Variants in AXDND1 observed in about 807,000 individuals in gnomAD.
The protein encoded by AXDND1 is axonemal dynein light chain domain containing 1.
A neutral mutation model predicts 137.5 loss-of-function variants in AXDND1; 110 were observed. That is an observed-to-expected ratio of 0.80 (90% CI 0.69 to 0.94). The LOEUF (loss-of-function observed/expected upper bound fraction) is 0.94. AXDND1 is among the 40% of genes least tolerant of loss of function. AXDND1 has a pLI of 0.00. For synonymous variants in AXDND1, 414 were observed against 399.7 expected, an observed-to-expected ratio of 1.04 and a Z score of -0.43; for missense variants, 1,191 against 1,169.8, an observed-to-expected ratio of 1.02 and a Z score of -0.26.
Position 179,492,782 on chromosome 1 carries a change from A to T in AXDND1, c.2292-73A>T, listed in dbSNP as rs1038137751. The T allele has an allele frequency of 4.1e-6, 4 of 979,812 alleles. No homozygotes were observed. The African/African-American group carries it at 6.7e-5, about 16-fold the overall frequency. 60.7% of individuals were successfully genotyped at this position (979,812 alleles called of 1,614,324 possible). ...TAAAATTTTAAACACTTAGAAGAAGAACCAGCAATAAATAGGTTATGCTGA... is the reference window on the plus strand; with the variant it reads ...TAAAATTTTAAACACTTAGAAGAAGTACCAGCAATAAATAGGTTATGCTGA... On this transcript the variant is annotated intron_variant, in intron 19 of 25. Transcript: ENST00000367618.
intron 12 of AXDND1, among the ~76,000 whole-genome samples, chr1:179,427,598 A>G (rs1036409470): frequency 6.6e-6 from 1 of 152,184 alleles, no homozygotes; most frequent in Non-Finnish European, 1.5e-5. Flanking sequence ...AAATGTATAG[A>G]TTAATCTTAC....
intron 16 of AXDND1, among the ~76,000 whole-genome samples, chr1:179,463,243 G>A (rs1025190996): frequency 1.3e-5 from 2 of 152,022 alleles, no homozygotes; most frequent in African/African-American, 4.8e-5. Flanking sequence ...CCTGCTTTCT[G>A]TTGTGGGCAT....
intron 18 of AXDND1, among the ~76,000 whole-genome samples, chr1:179,483,848 C>G (rs1317205598): frequency 6.6e-6 from 1 of 152,128 alleles, no homozygotes; most frequent in Non-Finnish European, 1.5e-5. Flanking sequence ...TCCTGTGTAT[C>G]CATATTAACT....
At chr1:179,530,159 A>G (rs1164824227) in intron 23 of AXDND1, among the ~76,000 whole-genome samples, 1 of 151,796 alleles carries the variant, frequency 6.6e-6, no homozygotes, top group Non-Finnish European at 1.5e-5. Flanking sequence ...CCTCCCAAGT[A>G]CCTGGGATTA....
chr1:179,541,216 C>T (rs547877713), intron 25 of AXDND1, among the ~76,000 whole-genome samples: 6 of 152,276 alleles, frequency 3.9e-5, no homozygotes, highest in South Asian at 4.1e-4. Context: ...AGTGTACCGT[C>T]GCACCTGGTA....
intron 17 of AXDND1, 130 bp from the exon 18 acceptor site, chr1:179,482,998 C>T: frequency 1.9e-6 from 1 of 530,722 alleles, no homozygotes; most frequent in Non-Finnish European, 3.2e-6. Flanking sequence ...CCCCTTTCCT[C>T]AGTTCTCAAG....
At chr1:179,389,811 A>G (rs1225560425) in intron 9 of AXDND1, among the ~76,000 whole-genome samples, 1 of 152,094 alleles carries the variant, frequency 6.6e-6, no homozygotes, top group Non-Finnish European at 1.5e-5. Flanking sequence ...TATTGTCAGG[A>G]GGGGGAAATC....
intron 22 of AXDND1, 75 bp downstream of exon 22, chr1:179,525,522 G>C (rs1670450276): frequency 2.1e-6 from 3 of 1,448,452 alleles, no homozygotes; most frequent in Admixed American, 4.7e-5. Flanking sequence ...TTAGAGACAG[G>C]GTCCTGCCCT....
intron 25 of AXDND1, among the ~76,000 whole-genome samples, chr1:179,539,194 A>G (rs2125721092): frequency 6.6e-6 from 1 of 152,290 alleles, no homozygotes; most frequent in Middle Eastern, 3.4e-3. Flanking sequence ...TTTACATTTA[A>G]GGTGAATATT....
chr1:179,504,461 G>A lies in AXDND1; in HGVS notation c.2389-4835G>A, dbSNP rs117258911. ...AAAAGTGGGTAGAGCTCTGTGTGGC[G>A]AGACCAGGTTTTCAGATAAAGGTAA... is the stretch of plus-strand genomic sequence containing the variant. On this transcript the variant is annotated intron_variant, in intron 20 of 25. Coordinates refer to ENST00000367618, the MANE Select transcript of AXDND1 (RefSeq NM_144696.6). Among the ~76,000 whole-genome samples, 16 of 152,240 alleles carry A rather than the reference G, an allele frequency of 1.1e-4. No individual in the cohort carries two copies. The East Asian group carries it at 2.5e-3, about 24-fold the overall frequency.
chr1:179,431,714 A>T (rs1396411980), intron 14 of AXDND1, among the ~76,000 whole-genome samples: 3 of 152,116 alleles, frequency 2.0e-5, no homozygotes, highest in Non-Finnish European at 4.4e-5. Context: ...TATGTCTCCA[A>T]GCTGGCTGCT....
In AXDND1 at chr1:179,416,505, C is replaced by T. The variant is rs374715409; in HGVS notation, c.1230+5239C>T. Among the ~76,000 whole-genome samples, 24 of 152,300 alleles carry T rather than the reference C, an allele frequency of 1.6e-4. No homozygotes were observed. The South Asian group carries it at 5.0e-3, about 32-fold the overall frequency. On this transcript the variant is annotated intron_variant, in intron 12 of 25. Transcript: ENST00000367618. Reference sequence around the variant, plus strand: ...TGAGGAACCTCCATAATGTTCTCCACAGTGGCTATACTAATTTACATTCCC... The same window carrying T: ...TGAGGAACCTCCATAATGTTCTCCATAGTGGCTATACTAATTTACATTCCC...
chr1:179,434,235 A>G (rs1657805759), intron 15 of AXDND1, among the ~76,000 whole-genome samples: 1 of 152,142 alleles, frequency 6.6e-6, no homozygotes, highest in Non-Finnish European at 1.5e-5. Context: ...AAAAAAGCCA[A>G]GGACCACACA....
intron 11 of AXDND1, among the ~76,000 whole-genome samples, chr1:179,403,253 A>T (rs1652387442): frequency 6.6e-6 from 1 of 152,222 alleles, no homozygotes; most frequent in African/African-American, 2.4e-5. Flanking sequence ...TACTGTATTC[A>T]TTGATATTGT....
chr1:179,528,638 CCT>C (rs1447967714), intron 23 of AXDND1, among the ~76,000 whole-genome samples: 4 of 127,222 alleles, frequency 3.1e-5, no homozygotes, highest in Admixed American at 9.2e-5. Flanking sequence ...CATCTTTAAA[CCT>C]CTTTTTTTTT....
intron 20 of AXDND1, among the ~76,000 whole-genome samples, chr1:179,500,833 G>A (rs1667922002): frequency 1.3e-5 from 2 of 152,168 alleles, no homozygotes; most frequent in East Asian, 1.9e-4. Context: ...CACCATACCT[G>A]GCTAATTTTT....
chr1:179,488,813 C>A (rs1666503910), intron 18 of AXDND1, among the ~76,000 whole-genome samples: 1 of 144,794 alleles, frequency 6.9e-6, no homozygotes, highest in South Asian at 2.1e-4. Flanking sequence ...CAGCTCACTG[C>A]AACCTCTGCC....
chr1:179,523,046 C>A (rs1024888482), intron 21 of AXDND1, among the ~76,000 whole-genome samples: 5 of 151,672 alleles, frequency 3.3e-5, no homozygotes, highest in African/African-American at 1.2e-4. Context: ...GAGTAGACTC[C>A]TTTGAGGTGT....
intron 16 of AXDND1, chr1:179,457,186 A>G: frequency 1.3e-6 from 1 of 766,468 alleles, no homozygotes; most frequent in South Asian, 1.4e-5. Context: ...AGTGCTTGGT[A>G]TTTGGATCTC....
Sources: gnomAD v4.1 joint callset for allele counts (sites outside exome capture counted in the v4.1 genomes callset) on GRCh38, gnomAD v4.1.1 for gene constraint, MANE v1.5 for transcripts, NCBI Gene and HGNC (gene_info 2026-07-23, HGNC 2026-07-21) for gene names.